Variants in CPLANE1 observed in about 807,000 individuals in gnomAD.
CPLANE1 encodes the protein ciliogenesis and planar polarity effector 1.
A neutral mutation model predicts 362.5 loss-of-function variants in CPLANE1; 263 were observed. The observed-to-expected ratio is 0.73, with a 90% CI of 0.66 to 0.80. The LOEUF is 0.80. CPLANE1 is among the 30% of genes least tolerant of loss of function. The pLI is 0.00. For missense variants in CPLANE1, 3,461 were observed against 3,793.4 expected, an observed-to-expected ratio of 0.91 and a Z score of 2.30; for synonymous variants, 1,212 against 1,302.6, an observed-to-expected ratio of 0.93 and a Z score of 1.50.
In CPLANE1 at chr5:37,160,528, C is replaced by G. The variant is rs1029340991; in HGVS notation, c.7690+1937G>C. Among the ~76,000 whole-genome samples the G allele has an allele frequency of 2.0e-5, 3 of 151,272 alleles. 1 individual carries two copies. The South Asian group carries it at 6.3e-4, about 32-fold the overall frequency. ...TGAGCCAAGATTGCACCACTGCACT[C>G]CAGCCTCCAGCCTGGGAAACAGAGC... is the stretch of plus-strand genomic sequence containing the variant. On this transcript the variant is annotated intron_variant, in intron 38 of 52. Coordinates refer to ENST00000651892, the MANE Select transcript of CPLANE1 (RefSeq NM_001384732.1).
intron 32 of CPLANE1, 141 bp from the exon 33 acceptor site, chr5:37,170,472 C>A: frequency 1.4e-5 from 12 of 883,520 alleles, no homozygotes; most frequent in East Asian, 5.7e-5. Context: ...GAGCAGGAGG[C>A]AGTCAGGGAA....
At chr5:37,176,680 TA>T (rs1781241024) in intron 30 of CPLANE1, among the ~76,000 whole-genome samples, 1 of 152,162 alleles carries the variant, frequency 6.6e-6, no homozygotes, top group Non-Finnish European at 1.5e-5. Flanking sequence ...CCCATAGTAT[TA>T]AATGCATTCT....
chr5:37,181,814 C>G (rs1782725846), intron 26 of CPLANE1, among the ~76,000 whole-genome samples: 1 of 151,902 alleles, frequency 6.6e-6, no homozygotes, highest in Non-Finnish European at 1.5e-5. Flanking sequence ...GACTCTGGAC[C>G]AGGCGCAGTG....
At chr5:37,087,169 G>A in the CPLANE1 span, among the ~76,000 whole-genome samples, 6 of 152,126 alleles carry the variant, frequency 3.9e-5, no homozygotes, top group Non-Finnish European at 7.3e-5. Context: ...AAGAAGGCAC[G>A]CTAGATGTAG....
At chr5:37,243,784 TATATAATATACC>T (rs1738519448) in intron 5 of CPLANE1, among the ~76,000 whole-genome samples, 1 of 147,086 alleles carries the variant, frequency 6.8e-6, no homozygotes, top group African/African-American at 2.5e-5. Context: ...GTTATATACA[TATATAATATACC>T]ATATAATATA....
At position 37,249,373 on chromosome 5, in the gene CPLANE1, C is replaced by A. The variant is rs1200570417; in HGVS notation, c.-176G>T. The A allele has an allele frequency of 6.6e-6, 1 of 152,330 alleles. No homozygotes were observed. Among genetic ancestry groups the A allele is most frequent in the Non-Finnish European group, 1.5e-5 (1 of 68,160 alleles). The allele number at this position is 152,330 out of a possible 1,614,324, so 9.4% of individuals were successfully genotyped here. ...GCCCTGACGCGAGCCTGCGTCCTGG[C>A]GACGGCGGAGGGCGGGCAGGGGGCG... On this transcript the variant is annotated 5_prime_UTR_variant, in exon 1 of 53. Transcript: ENST00000651892.
In CPLANE1 at chr5:37,139,828, G is replaced by T. The variant is rs56882270; in HGVS notation, c.8633-458C>A. 22 of 984,946 alleles carry T rather than the reference G, an allele frequency of 2.2e-5. No individual in the cohort carries two copies. In the African/African-American group the frequency reaches 3.5e-4, roughly 16 times the overall value. 61.0% of individuals were successfully genotyped at this position (984,946 alleles called of 1,614,324 possible). On this transcript the variant is annotated intron_variant, in intron 44 of 52. Transcript: ENST00000651892. ...GCCTCCCAAAGTGCTTGGATTACAGGCATGGGCCATCGCACCCAGCCAGTA... is the reference window on the plus strand; with the variant it reads ...GCCTCCCAAAGTGCTTGGATTACAGTCATGGGCCATCGCACCCAGCCAGTA...
intron 18 of CPLANE1, among the ~76,000 whole-genome samples, chr5:37,202,148 G>A (rs1011518736): frequency 3.3e-5 from 5 of 150,818 alleles, no homozygotes; most frequent in African/African-American, 1.2e-4. Flanking sequence ...TTGTGTGAGA[G>A]TAACTTTTCC....
chr5:37,129,816 A>G (rs941974421), intron 46 of CPLANE1, among the ~76,000 whole-genome samples: 3 of 152,340 alleles, frequency 2.0e-5, no homozygotes, highest in South Asian at 2.1e-4. Context: ...TAGTACAACC[A>G]CTATGGAAAA....
At position 37,113,778 on chromosome 5, in the gene CPLANE1, T is replaced by C. The variant is rs1453983195; in HGVS notation, c.9400+1182A>G. 3.9e-5 allele frequency among the ~76,000 whole-genome samples: 6 copies of C among 152,324 alleles called. No homozygotes were observed. In the East Asian group the frequency reaches 1.2e-3, roughly 29 times the overall value. On this transcript the variant is annotated intron_variant, in intron 51 of 52. Transcript: ENST00000651892. ...TAGGCTAATTACTTCATATTTCTCATCATTTTTCACAGTACATATAAACTA... is the reference window on the plus strand; with the variant it reads ...TAGGCTAATTACTTCATATTTCTCACCATTTTTCACAGTACATATAAACTA...
rs1053897570 is a variant in CPLANE1 at position 37,212,184 on chromosome 5, G to T, written c.2920+1375C>A. 3.2e-5 allele frequency: 42 copies of T among 1,320,672 alleles called. No individual in the cohort carries two copies. The East Asian group carries it at 8.5e-4, about 27-fold the overall frequency. 81.8% of individuals were successfully genotyped at this position (1,320,672 alleles called of 1,614,324 possible). A position where few individuals can be genotyped will look rare whatever the true frequency, so the allele number is the denominator to read the frequency against. On this transcript the variant is annotated intron_variant, in intron 16 of 52. Coordinates refer to ENST00000651892, the MANE Select transcript of CPLANE1 (RefSeq NM_001384732.1). ...AAATGAATTAGAAATGAGTAATCAA[G>T]AAATGAAAGACAAATCTGCTCACAG... is the stretch of plus-strand genomic sequence containing the variant.
chr5:37,221,313 A>C lies in CPLANE1; in HGVS notation c.2746+11T>G. ...TTTTAAAAATACAAAGAAAGAAAAA[A>C]AAAAGCATACCTGAAAAATCTTTAT... On this transcript the variant is annotated intron_variant, in intron 15 of 52. Coordinates refer to ENST00000651892, the MANE Select transcript of CPLANE1 (RefSeq NM_001384732.1). 1 of 1,484,744 alleles carries C rather than the reference A, an allele frequency of 6.7e-7. No homozygotes were observed. The highest frequency in any genetic ancestry group is 8.9e-7 in the Non-Finnish European group (1 of 1,120,158). The allele number at this position is 1,484,744 out of a possible 1,614,324, so 92.0% of individuals were successfully genotyped here.
At chr5:37,212,133 G>A (rs1792784325) in intron 16 of CPLANE1, 1 of 1,013,532 alleles carries the variant, frequency 9.9e-7, no homozygotes, top group Non-Finnish European at 1.6e-6. Flanking sequence ...GAGGATGACT[G>A]AAGAATCACT....
chr5:37,186,259 A>T, intron 24 of CPLANE1, 27 bp downstream of exon 24: 1 of 1,051,890 alleles, frequency 9.5e-7, no homozygotes, highest in Non-Finnish European at 1.5e-6. Flanking sequence ...TTTATCTGTT[A>T]GCTATCTGAG....
rs760313941 is a variant in CPLANE1 at position 37,121,762 on chromosome 5, T to A, written c.9040A>T (p.Ser3014Cys). The A allele has an allele frequency of 9.3e-6, 15 of 1,613,902 alleles. No individual in the cohort carries two copies. Among genetic ancestry groups the A allele is most frequent in the Non-Finnish European group, 1.3e-5 (15 of 1,179,898 alleles). Residue 3014 changes from serine to cysteine, a missense_variant, in exon 49 of 53, where the codon AGT (serine) becomes TGT (cysteine). Physicochemically the swap from Ser to Cys is moderately radical, Grantham distance 112 (BLOSUM62 -1). Transcript: ENST00000651892. Reference sequence around the variant, plus strand: ...CCGTACGCTTGTGAGATTCGACGACTATAGTGTTCAGAGAGCAGCAATCTG... The same window carrying A: ...CCGTACGCTTGTGAGATTCGACGACAATAGTGTTCAGAGAGCAGCAATCTG... ...KDRLLLSEHYSRRISQAYGLM... is the reference protein window; with the variant it reads ...KDRLLLSEHYCRRISQAYGLM...
intron 16 of CPLANE1, chr5:37,211,512 G>T: frequency 4.5e-6 from 6 of 1,319,612 alleles, no homozygotes; most frequent in Non-Finnish European, 6.4e-6. Context: ...CATCTTGGAA[G>T]CCCTGACAGG....
At chr5:37,102,530 T>C (rs1757344418), downstream of CPLANE1, among the ~76,000 whole-genome samples, 1 of 152,114 alleles carries the variant, frequency 6.6e-6, no homozygotes, top group Admixed American at 6.5e-5. Flanking sequence ...TGAGACCTTT[T>C]TGTTGTGGGG....
the CPLANE1 span, among the ~76,000 whole-genome samples, chr5:37,077,816 A>G: frequency 6.6e-6 from 1 of 151,876 alleles, no homozygotes; most frequent in African/African-American, 2.4e-5. Context: ...GGGTCTCACT[A>G]TATTGCCTAA....
chr5:37,171,925 T>G (rs1779920333), intron 32 of CPLANE1, among the ~76,000 whole-genome samples: 1 of 152,118 alleles, frequency 6.6e-6, no homozygotes, highest in Non-Finnish European at 1.5e-5. Flanking sequence ...TAGCTGAGAC[T>G]ATAGGCATGT....
Sources: allele counts gnomAD v4.1 joint callset (sites outside exome capture counted in the v4.1 genomes callset), GRCh38; gene constraint gnomAD v4.1.1; transcripts MANE v1.5; gene names NCBI Gene and HGNC (gene_info 2026-07-23, HGNC 2026-07-21).